BRD1: variants seen among roughly 807,000 people sequenced by gnomAD.
BRD1 encodes the protein bromodomain-containing protein 1.
BRD1 carries 24 observed loss-of-function variants against 107.7 expected under a neutral mutation model. That is an observed-to-expected ratio of 0.22 (90% CI 0.16 to 0.31). The LOEUF (loss-of-function observed/expected upper bound fraction) is 0.31, where lower values mean the gene tolerates loss of function less well. Among genes scored for constraint, BRD1 ranks in the 10% least tolerant of loss-of-function variants. The pLI, the probability that BRD1 is intolerant of heterozygous loss-of-function variation, is 1.00. For missense variants in BRD1, 1,279 were observed against 1,638.6 expected, an observed-to-expected ratio of 0.78 and a Z score of 3.79; for synonymous variants, 744 against 686.1, an observed-to-expected ratio of 1.08 and a Z score of -1.32.
rs552179265 is a variant in BRD1 at position 49,794,046 on chromosome 22, C to A, written c.2347G>T (p.Ala783Ser). 2 of 1,612,808 alleles carry A rather than the reference C, an allele frequency of 1.2e-6. No homozygotes were observed. Among genetic ancestry groups the A allele is most frequent in the Admixed American group, 1.7e-5 (1 of 59,978 alleles). Reference protein sequence around the residue: ...EEDGAALGPEAGEEGDKSPPK... With the variant: ...EEDGAALGPESGEEGDKSPPK... ...CACCGTGGCTTACCTTCCTCGCCCG[C>A]CTCCGGCCCCAGCGCAGCTCCGTCC... Residue 783 changes from alanine (A) to serine (S), a missense_variant, in exon 7 of 13, where the codon GCG (alanine) becomes TCG (serine). Physicochemically the swap from Ala to Ser is moderately conservative, Grantham distance 99. This residue lies in a region of BRD1 where 406 missense variants were observed against 519.4 expected (regional missense o/e 0.78). Transcript: ENST00000404760.
At chr22:49,818,883 C>G (rs1438836687) in intron 2 of BRD1, among the ~76,000 whole-genome samples, 1 of 150,786 alleles carries the variant, frequency 6.6e-6, no homozygotes, top group South Asian at 2.1e-4. Flanking sequence ...AAGACTCCGT[C>G]TCAAAAAAAA....
Position 49,785,689 on chromosome 22 carries a change from A to G in BRD1, c.2857+1701T>C, listed in dbSNP as rs80173247. Among the ~76,000 whole-genome samples, 78 of 152,380 alleles carry G rather than the reference A, an allele frequency of 5.1e-4. No individual in the cohort carries two copies. The East Asian group carries it at 0.012, about 24-fold the overall frequency. On this transcript the variant is annotated intron_variant, in intron 8 of 12. Coordinates refer to ENST00000404760, the MANE Select transcript of BRD1 (RefSeq NM_001304808.3). The stretch of plus-strand genomic sequence containing the variant: ...CAAAAAAGCTTTTTCAAATTATTTT[A>G]AAATGCCAATTTAACATCAATCCAT...
chr22:49,822,628 T>C (rs2060088023), intron 2 of BRD1, among the ~76,000 whole-genome samples: 1 of 151,862 alleles, frequency 6.6e-6, no homozygotes, highest in Non-Finnish European at 1.5e-5. Flanking sequence ...GAGAATTGCT[T>C]GAACCCAGGA....
chr22:49,819,776 C>T (rs973256208), intron 2 of BRD1, among the ~76,000 whole-genome samples: 10 of 151,738 alleles, frequency 6.6e-5, no homozygotes, highest in Admixed American at 5.2e-4. Context: ...GTTTATTTAC[C>T]GCTGTTATTA....
At position 49,816,084 on chromosome 22, in the gene BRD1, C is replaced by T. The variant is rs141036218; in HGVS notation, c.1367+6867G>A. Among the ~76,000 whole-genome samples, 108 of 152,320 alleles carry T rather than the reference C, an allele frequency of 7.1e-4. 2 individuals carry two copies. The highest frequency in any genetic ancestry group is 6.8e-3 in the Middle Eastern group (2 of 294). ...CCGGGAGGTACCCACACAGGGCTCT[C>T]CCCACTGGGCACTGAGCCAGTGTCT... On this transcript the variant is annotated intron_variant, in intron 2 of 12. Transcript: ENST00000404760.
chr22:49,817,146 CT>C (rs1172924353), intron 2 of BRD1: 1 of 152,796 alleles, frequency 6.5e-6, no homozygotes, highest in Non-Finnish European at 1.5e-5. Flanking sequence ...CCCTTTTCCC[CT>C]GACCTCACAG....
rs1271610978 is a variant in BRD1, at chr22:49,779,501, G to A, written c.2858-1688C>T. On this transcript the variant is annotated intron_variant, in intron 8 of 12. Transcript: ENST00000404760. Reference sequence around the variant, plus strand: ...CTGGAATGTACCGTGACCTCCAAGGGAAGCTCTGTGTTTCTCATTTTAACC... The same window carrying A: ...CTGGAATGTACCGTGACCTCCAAGGAAAGCTCTGTGTTTCTCATTTTAACC... Among the ~76,000 whole-genome samples the A allele has an allele frequency of 7.2e-5, 11 of 152,294 alleles. No individual in the cohort carries two copies. The East Asian group carries it at 2.1e-3, about 29-fold the overall frequency.
At chr22:49,789,653 C>T (rs986950520) in intron 7 of BRD1, among the ~76,000 whole-genome samples, 2 of 152,204 alleles carry the variant, frequency 1.3e-5, no homozygotes, top group African/African-American at 4.8e-5. Context: ...AGTCTCCTCC[C>T]AGCACCTCCG....
chr22:49,778,331 G>A (rs1473516829), intron 8 of BRD1, among the ~76,000 whole-genome samples: 2 of 152,240 alleles, frequency 1.3e-5, no homozygotes, highest in Non-Finnish European at 2.9e-5. Flanking sequence ...CAAAAGACAA[G>A]TGTTAACATG....
chr22:49,777,298 G>T, intron 9 of BRD1, 137 bp from the exon 10 acceptor site: 1 of 1,367,236 alleles, frequency 7.3e-7, no homozygotes, highest in Non-Finnish European at 1.0e-6. Flanking sequence ...CGGGCCTGTG[G>T]GTGCGCAGGT....
intron 11 of BRD1, 85 bp from the exon 12 acceptor site, chr22:49,775,830 C>CTCAGAACTCCCCCGCCCCCCTCGCCGAA: frequency 7.8e-7 from 1 of 1,278,908 alleles, no homozygotes; most frequent in Admixed American, 2.3e-5. Context: ...CCCCCGCCTC[C>CTCAGAACTCCCCCGCCCCCCTCGCCGAA]CCACCCCAGC....
rs2059444408 is a variant in BRD1 at position 49,792,020 on chromosome 22, C to T, written c.2359+2014G>A. Among the ~76,000 whole-genome samples the T allele has an allele frequency of 6.6e-6, 1 of 152,112 alleles. No homozygotes were observed. The highest frequency in any genetic ancestry group is 1.5e-5 in the Non-Finnish European group (1 of 68,016). ...ATGGTCTCCAAAGGCTCCTGCTAAGCGTTGGGTGTTATGAGGAGCCACGCT... is the reference window on the plus strand; with the variant it reads ...ATGGTCTCCAAAGGCTCCTGCTAAGTGTTGGGTGTTATGAGGAGCCACGCT... On this transcript the variant is annotated intron_variant, in intron 7 of 12. Transcript: ENST00000404760. The surrounding 1 kb of genome is among the most constrained non-coding windows in gnomAD (Gnocchi z 4.2).
At chr22:49,782,746 C>T (rs1019063792) in intron 8 of BRD1, among the ~76,000 whole-genome samples, 8 of 128,054 alleles carry the variant, frequency 6.2e-5, no homozygotes, top group East Asian at 4.9e-4. Context: ...GTGACAATGC[C>T]GCTGGGGACA....
chr22:49,822,924 G>A (rs1295527862), intron 2 of BRD1, 27 bp downstream of exon 2: 1 of 1,608,764 alleles, frequency 6.2e-7, no homozygotes. Context: ...CAGGCTCCTT[G>A]TGGACTCAAT....
At chr22:49,814,162 G>C (rs553586367) in intron 2 of BRD1, among the ~76,000 whole-genome samples, 50 of 152,284 alleles carry the variant, frequency 3.3e-4, no homozygotes, top group African/African-American at 1.1e-3. Context: ...AGAACAGGGG[G>C]CTCTCTCCAA....
At chr22:49,799,424 G>A (rs923297605) in intron 3 of BRD1, among the ~76,000 whole-genome samples, 2 of 152,216 alleles carry the variant, frequency 1.3e-5, no homozygotes, top group African/African-American at 2.4e-5. Context: ...CTGGCGGCGG[G>A]GGGGGCCTTC....
At chr22:49,806,205 T>C (rs951191681) in intron 2 of BRD1, 7 of 152,212 alleles carry the variant, frequency 4.6e-5, no homozygotes, top group Non-Finnish European at 7.3e-5. Flanking sequence ...AGAAAGATTC[T>C]GTTTGTTTTT....
chr22:49,777,541 G>A, intron 9 of BRD1, 137 bp downstream of exon 9: 1 of 1,194,648 alleles, frequency 8.4e-7, no homozygotes, highest in African/African-American at 1.5e-5. Context: ...CAAGGGCAGA[G>A]CACACATGAA....
rs1215529737 is a variant in BRD1, at chr22:49,773,888, G to A, written c.*345C>T. The A allele has an allele frequency of 4.3e-5, 8 of 185,198 alleles. No individual in the cohort carries two copies. Among genetic ancestry groups the A allele is most frequent in the East Asian group, 1.3e-4 (1 of 7,614 alleles). 11.5% of individuals were successfully genotyped at this position (185,198 alleles called of 1,614,324 possible). A position where few individuals can be genotyped will look rare whatever the true frequency, so the allele number is the denominator to read the frequency against. ...ATTTGTCATTGTAAATTTACATCCC[G>A]TCTTATTAAATAAGTGGTACTCTGT... On this transcript the variant is annotated 3_prime_UTR_variant, in exon 13 of 13. Transcript: ENST00000404760.
Sources: gnomAD v4.1 joint callset for allele counts (sites outside exome capture counted in the v4.1 genomes callset) on GRCh38, gnomAD v4.1.1 for gene constraint, gnomAD v4.1.1 regional missense constraint, Gnocchi (gnomAD v3.1) non-coding constraint, MANE v1.5 for transcripts, NCBI Gene and HGNC (gene_info 2026-07-23, HGNC 2026-07-21) for gene names.